CYBRD1: variants seen among roughly 807,000 people sequenced by gnomAD.
CYBRD1 encodes the protein plasma membrane ascorbate-dependent reductase CYBRD1.
Under a neutral mutation model 21.9 loss-of-function variants are expected in CYBRD1, and 14 were observed. The observed-to-expected ratio is 0.64, with a 90% CI of 0.42 to 1.00. The LOEUF is 1.00. Among genes scored for constraint, CYBRD1 ranks in the 50% least tolerant of loss-of-function variants. The pLI, the probability that CYBRD1 is intolerant of heterozygous loss-of-function variation, is 0.00. For missense variants in CYBRD1, 328 were observed against 352.5 expected (o/e 0.93, Z 0.56); for synonymous variants, 146 against 136.5 (o/e 1.07, Z -0.48).
At position 171,522,637 on chromosome 2, in the gene CYBRD1, T is replaced by A; in HGVS notation, c.92T>A (p.Val31Asp). 1 of 1,613,120 alleles carries A rather than the reference T, an allele frequency of 6.2e-7. No homozygotes were observed. Among genetic ancestry groups the A allele is most frequent in the Non-Finnish European group, 8.5e-7 (1 of 1,179,852 alleles). ...TCGGTGATCTTCGCCCTCGTCTGGG[T>A]CCTCCACTACCGAGAGGGGCTTGGC... ...FLSVIFALVW[V>D]LHYREGLGWD... The change falls in exon 1 of 4, where the codon GTC becomes GAC. Residue 31 changes from valine (V) to aspartate (D), a missense_variant. Transcript: ENST00000321348. This position sits in a 1 kb window ranked among gnomAD's most constrained non-coding sequence, Gnocchi z 4.3.
intron 2 of CYBRD1, among the ~76,000 whole-genome samples, chr2:171,549,123 G>A (rs774686565): frequency 2.0e-5 from 3 of 152,000 alleles, no homozygotes; most frequent in Non-Finnish European, 2.9e-5. Flanking sequence ...TCACCCTGTC[G>A]CCCAGGCTGG....
rs145057162 is a variant in CYBRD1, at chr2:171,537,830, A to G, written c.194-3755A>G. Among the ~76,000 whole-genome samples, 1,361 of 152,316 alleles carry G rather than the reference A, an allele frequency of 8.9e-3. 20 individuals are homozygous for G. Among genetic ancestry groups the G allele is most frequent in the African/African-American group, 0.027 (1,142 of 41,566 alleles). ...AACAATAATATGCTATATGCTTTCA[A>G]GTAGCTAAAAGAGAGGATATTGAAT... is the stretch of plus-strand genomic sequence containing the variant. On this transcript the variant is annotated intron_variant, in intron 1 of 3. Transcript: ENST00000321348.
chr2:171,523,093 G>C, intron 1 of CYBRD1: 1 of 337,354 alleles, frequency 3.0e-6, no homozygotes, highest in Non-Finnish European at 5.7e-6. Flanking sequence ...ACTTGAGCCC[G>C]GGCGCGATGC....
In CYBRD1 at chr2:171,525,915, T is replaced by C. The variant is rs115352315; in HGVS notation, c.193+3177T>C. ...TGAGTCGAGATCTTGCCATTGCACT[T>C]CAGCCTGGGCAACAAGAGCGAAACT... On this transcript the variant is annotated intron_variant, in intron 1 of 3. Coordinates refer to ENST00000321348, the MANE Select transcript of CYBRD1 (RefSeq NM_024843.4). Among the ~76,000 whole-genome samples, 445 of 139,328 alleles carry C rather than the reference T, an allele frequency of 3.2e-3. 3 individuals carry two copies. The highest frequency in any genetic ancestry group is 0.01 in the African/African-American group (380 of 36,526). The allele number at this position is 139,328 out of a possible 152,430, so 91.4% of individuals were successfully genotyped here. A position where few individuals can be genotyped will look rare whatever the true frequency, so the allele number is the denominator to read the frequency against.
At chr2:171,548,130 AT>A (rs902220766) in intron 2 of CYBRD1, among the ~76,000 whole-genome samples, 272 of 151,518 alleles carry the variant, frequency 1.8e-3, no homozygotes, top group African/African-American at 4.7e-3. Flanking sequence ...TTTATTTTTA[AT>A]TTTTTTTTAA....
chr2:171,553,989 A>G (rs1237340405), intron 3 of CYBRD1, among the ~76,000 whole-genome samples: 4 of 152,224 alleles, frequency 2.6e-5, no homozygotes, highest in Non-Finnish European at 4.4e-5. Flanking sequence ...CAGCCACTCA[A>G]CGGCCCGATA....
chr2:171,555,000 A>C lies in CYBRD1; in HGVS notation c.*173A>C. The C allele has an allele frequency of 1.5e-6, 1 of 680,420 alleles. No homozygotes were observed. The highest frequency in any genetic ancestry group is 2.7e-5 in the East Asian group (1 of 36,836). The allele number at this position is 680,420 out of a possible 1,614,324, so 42.1% of individuals were successfully genotyped here. On this transcript the variant is annotated 3_prime_UTR_variant, in exon 4 of 4. Coordinates refer to ENST00000321348, the MANE Select transcript of CYBRD1 (RefSeq NM_024843.4). Reference sequence around the variant, plus strand: ...GATTGAGGCCTATGAACTGACCTGAATTGGAAAGGATGTGATTAATATAAA... The same window carrying C: ...GATTGAGGCCTATGAACTGACCTGACTTGGAAAGGATGTGATTAATATAAA...
In CYBRD1 at chr2:171,556,473, G is replaced by T. The variant is rs576416208; in HGVS notation, c.*1646G>T. On this transcript the variant is annotated 3_prime_UTR_variant, in exon 4 of 4. Coordinates refer to ENST00000321348, the MANE Select transcript of CYBRD1 (RefSeq NM_024843.4). Reference sequence around the variant, plus strand: ...TTTTCATTTTTTGGTTGATTTTTTTGCCTTCCCTTCAATTTTAAACTGAAG... The same window carrying T: ...TTTTCATTTTTTGGTTGATTTTTTTTCCTTCCCTTCAATTTTAAACTGAAG... The T allele has an allele frequency of 6.6e-5, 10 of 152,138 alleles. No homozygotes were observed. The highest frequency in any genetic ancestry group is 3.9e-4 in the Admixed American group (6 of 15,282). The allele number at this position is 152,138 out of a possible 1,614,324, so 9.4% of individuals were successfully genotyped here. A position where few individuals can be genotyped will look rare whatever the true frequency, so the allele number is the denominator to read the frequency against.
At chr2:171,541,463 G>A (rs1338956853) in intron 1 of CYBRD1, 122 bp from the exon 2 acceptor site, 1 of 914,660 alleles carries the variant, frequency 1.1e-6, no homozygotes, top group Admixed American at 2.0e-5. Flanking sequence ...GGGAAGAGGG[G>A]AGAAGCAAAA....
intron 2 of CYBRD1, 71 bp downstream of exon 2, chr2:171,541,864 T>A: frequency 1.2e-5 from 10 of 815,958 alleles, no homozygotes; most frequent in African/African-American, 1.9e-5. Flanking sequence ...TTCTTTTCTT[T>A]TTTTTTTTTT....
At chr2:171,529,435 G>A (rs1164883098) in intron 1 of CYBRD1, among the ~76,000 whole-genome samples, 1 of 150,284 alleles carries the variant, frequency 6.7e-6, no homozygotes, top group Non-Finnish European at 1.5e-5. Flanking sequence ...GGAGGCTGAG[G>A]CAGGAGAATC....
chr2:171,526,852 T>C (rs1411852036), intron 1 of CYBRD1, among the ~76,000 whole-genome samples: 2 of 152,338 alleles, frequency 1.3e-5, no homozygotes, highest in East Asian at 3.9e-4. Context: ...TCCTTTCCTG[T>C]GTAGAACTCC....
chr2:171,551,234 G>T (rs1574444984), intron 2 of CYBRD1: 1 of 152,936 alleles, frequency 6.5e-6, no homozygotes, highest in African/African-American at 2.4e-5. Flanking sequence ...CAGGCGTGAG[G>T]CACCACACTC....
chr2:171,540,225 G>A (rs544219453), intron 1 of CYBRD1, among the ~76,000 whole-genome samples: 2 of 152,268 alleles, frequency 1.3e-5, no homozygotes, highest in African/African-American at 4.8e-5. Context: ...ATGCAGAGAT[G>A]AGTTTTGCTG....
intron 1 of CYBRD1, among the ~76,000 whole-genome samples, chr2:171,528,531 G>T (rs1449025051): frequency 1.3e-5 from 2 of 151,710 alleles, no homozygotes; most frequent in African/African-American, 4.9e-5. Flanking sequence ...CCTGATGACG[G>T]CAGGTTAGAG....
intron 1 of CYBRD1, among the ~76,000 whole-genome samples, chr2:171,536,513 C>A (rs1281828377): frequency 6.6e-6 from 1 of 152,138 alleles, no homozygotes; most frequent in African/African-American, 2.4e-5. Context: ...ACCATGTTGG[C>A]CAGGCTGGTC....
intron 1 of CYBRD1, among the ~76,000 whole-genome samples, chr2:171,524,493 G>A (rs1697356416): frequency 6.6e-6 from 1 of 152,164 alleles, no homozygotes; most frequent in Admixed American, 6.6e-5. Context: ...TGAGGGTAAG[G>A]GAAACACAAG....
At chr2:171,523,173 C>T (rs1697334886) in intron 1 of CYBRD1, 1 of 361,102 alleles carries the variant, frequency 2.8e-6, no homozygotes. Flanking sequence ...ACCGAGCCTG[C>T]GCGATCGGGG....
rs551163807 is a variant in CYBRD1, at chr2:171,557,527, G to A, written c.*2700G>A. 21 of 152,256 alleles carry A rather than the reference G, an allele frequency of 1.4e-4. No individual in the cohort carries two copies. The highest frequency in any genetic ancestry group is 6.2e-4 in the South Asian group (3 of 4,822). The allele number at this position is 152,256 out of a possible 1,614,324, so 9.4% of individuals were successfully genotyped here. The stretch of plus-strand genomic sequence containing the variant: ...TGAATTACTGTCATCAAAAGTGTAC[G>A]GCTTCCTGTGCTGCTTGTGTCAAAT... On this transcript the variant is annotated 3_prime_UTR_variant, in exon 4 of 4. Transcript: ENST00000321348.
Sources: gnomAD v4.1 joint callset for allele counts (sites outside exome capture counted in the v4.1 genomes callset) on GRCh38, gnomAD v4.1.1 for gene constraint, Gnocchi (gnomAD v3.1) non-coding constraint, MANE v1.5 for transcripts, NCBI Gene and HGNC (gene_info 2026-07-23, HGNC 2026-07-21) for gene names.